ALDH8A1: variants seen among roughly 807,000 people sequenced by gnomAD.
The protein encoded by ALDH8A1 is 2-aminomuconic semialdehyde dehydrogenase.
In ALDH8A1, 39 loss-of-function variants were observed where a neutral mutation model predicts 43.3. That is an observed-to-expected ratio of 0.90 (90% CI 0.70 to 1.18). The LOEUF (loss-of-function observed/expected upper bound fraction) is 1.18, where lower values mean the gene tolerates loss of function less well. Ranked by LOEUF, ALDH8A1 falls within the 50% of genes most tolerant of loss-of-function variation. The pLI, the probability that ALDH8A1 is intolerant of heterozygous loss-of-function variation, is 0.00. For synonymous variants in ALDH8A1, 233 were observed against 243.5 expected, an observed-to-expected ratio of 0.96 and a Z score of 0.40; for missense variants, 605 against 622.6, an observed-to-expected ratio of 0.97 and a Z score of 0.30.
chr6:134,940,211 G>A (rs1773829458), intron 3 of ALDH8A1: 1 of 360,180 alleles, frequency 2.8e-6, no homozygotes, highest in Non-Finnish European at 5.5e-6. Flanking sequence ...TCCTGCACGT[G>A]TACCCTGGAA....
chr6:134,924,162 G>C (rs1776849135), intron 6 of ALDH8A1, among the ~76,000 whole-genome samples: 1 of 152,208 alleles, frequency 6.6e-6, no homozygotes, highest in Admixed American at 6.5e-5. Context: ...GGGCCGGCCA[G>C]AGAGGGACAC....
intron 4 of ALDH8A1, among the ~76,000 whole-genome samples, chr6:134,934,210 C>T (rs1773689391): frequency 6.6e-6 from 1 of 152,246 alleles, no homozygotes; most frequent in South Asian, 2.1e-4. Context: ...AAAGCGATCC[C>T]AGAGAAACCT....
intron 6 of ALDH8A1, among the ~76,000 whole-genome samples, chr6:134,919,856 ATAT>A (rs1776767220): frequency 6.6e-6 from 1 of 152,182 alleles, no homozygotes; most frequent in Non-Finnish European, 1.5e-5. Flanking sequence ...AATAGAGGTA[ATAT>A]TATTCTATTA....
At chr6:134,927,537 A>G (rs898799946) in intron 6 of ALDH8A1, among the ~76,000 whole-genome samples, 1 of 152,192 alleles carries the variant, frequency 6.6e-6, no homozygotes, top group African/African-American at 2.4e-5. Context: ...ACACACAGAG[A>G]GAGATCATTC....
chr6:134,921,794 G>A (rs918010308), intron 6 of ALDH8A1, among the ~76,000 whole-genome samples: 20 of 152,214 alleles, frequency 1.3e-4, no homozygotes, highest in African/African-American at 4.6e-4. Flanking sequence ...CAGCCCCAAA[G>A]CTTTCTGGGG....
chr6:134,922,121 T>A (rs747009606), intron 6 of ALDH8A1, among the ~76,000 whole-genome samples: 2 of 152,068 alleles, frequency 1.3e-5, no homozygotes, highest in Non-Finnish European at 2.9e-5. Flanking sequence ...CACAGGAACA[T>A]GGGGTCAGCA....
At chr6:134,948,706 G>A (rs766136421) in intron 1 of ALDH8A1, among the ~76,000 whole-genome samples, 4 of 152,154 alleles carry the variant, frequency 2.6e-5, no homozygotes, top group Non-Finnish European at 4.4e-5. Context: ...GGATCAGATA[G>A]GATATTTGGA....
chr6:134,932,942 G>C lies in ALDH8A1; in HGVS notation c.683C>G (p.Ser228Cys). The C allele has an allele frequency of 6.2e-7, 1 of 1,614,068 alleles. No homozygotes were observed. Among genetic ancestry groups the C allele is most frequent in the Non-Finnish European group, 8.5e-7 (1 of 1,180,014 alleles). Residue 228 changes from serine to cysteine, a missense_variant, in exon 5 of 7, where the codon TCC (serine) becomes TGC (cysteine). By Grantham distance (112) the Ser-to-Cys change is moderately radical. Coordinates refer to ENST00000265605, the MANE Select transcript of ALDH8A1 (RefSeq NM_022568.4). ...AGCGGTGGGCTGGCTCCCGGTGAAG[G>C]AGATCAGGGGCACCTCTGGGTGGGA... is the stretch of plus-strand genomic sequence containing the variant. Reference protein sequence around the residue: ...LVSHPEVPLISFTGSQPTAER... With the variant: ...LVSHPEVPLICFTGSQPTAER...
rs771643555 is a variant in ALDH8A1, at chr6:134,932,826, T to G, written c.799A>C (p.Asn267His). ...KNPAIIFEDA[N>H]LDECIPATVR... ...GTTGCCGGAATGCACTCATCCAGGT[T>G]GGCGTCCTCAAAGATGATGGCAGGA... The change falls in exon 5 of 7, where the codon AAC becomes CAC. Residue 267 changes from asparagine (N) to histidine (H), a missense_variant. By Grantham distance (68) the Asn-to-His change is moderately conservative (BLOSUM62 1). Coordinates refer to ENST00000265605, the MANE Select transcript of ALDH8A1 (RefSeq NM_022568.4). The G allele has an allele frequency of 3.1e-6, 5 of 1,614,244 alleles. No individual in the cohort carries two copies. In the Admixed American group the frequency reaches 8.3e-5, roughly 27 times the overall value.
Position 134,942,446 on chromosome 6 carries a change from G to A in ALDH8A1, c.405C>T (p.Gly135=). The A allele has an allele frequency of 6.2e-7, 1 of 1,614,200 alleles. No homozygotes were observed. ...GGGCCCGCACCGTGTAGTGCATGCA[G>A]CCCAGGTGGTCCATCTGCGTGCACT... ...TSECTQMDHL[G]CMHYTVRAPV... The change falls in exon 3 of 7, where the codon GGC becomes GGT. Residue 135 remains glycine, a synonymous_variant. Transcript: ENST00000265605.
intron 4 of ALDH8A1, among the ~76,000 whole-genome samples, chr6:134,935,002 C>T (rs1167711005): frequency 6.6e-6 from 1 of 152,164 alleles, no homozygotes; most frequent in Non-Finnish European, 1.5e-5. Context: ...CTCCCATATC[C>T]TACTGAATGT....
At chr6:134,922,296 T>C (rs1776816088) in intron 6 of ALDH8A1, among the ~76,000 whole-genome samples, 1 of 152,244 alleles carries the variant, frequency 6.6e-6, no homozygotes, top group Non-Finnish European at 1.5e-5. Context: ...GCTGTGGTTA[T>C]GGAAATACCA....
At chr6:134,942,854 C>A (rs960632166) in intron 2 of ALDH8A1, among the ~76,000 whole-genome samples, 2 of 152,186 alleles carry the variant, frequency 1.3e-5, no homozygotes, top group African/African-American at 2.4e-5. Context: ...ACCACTTCAC[C>A]CACACAAACT....
In ALDH8A1 at chr6:134,918,660, C is replaced by G; in HGVS notation, c.1219G>C (p.Glu407Gln). The G allele has an allele frequency of 6.2e-7, 1 of 1,614,178 alleles. No homozygotes were observed. The highest frequency in any genetic ancestry group is 1.7e-5 in the Admixed American group (1 of 60,030). ...TCVVPFDSEE[E>Q]VIERANNVKY... ...ACGTTGTTGGCTCTTTCAATCACCT[C>G]CTCTTCACTATCAAAGGGGACGACA... is the stretch of plus-strand genomic sequence containing the variant. The change falls in exon 7 of 7, where the codon GAG becomes CAG. Residue 407 changes from glutamate (E) to glutamine (Q), a missense_variant. Glu to Gln is a conservative substitution (Grantham distance 29, BLOSUM62 2). Transcript: ENST00000265605.
At position 134,938,086 on chromosome 6, in the gene ALDH8A1, G is replaced by A. The variant is rs1773778069; in HGVS notation, c.592+1180C>T. Among the ~76,000 whole-genome samples the A allele has an allele frequency of 2.0e-5, 3 of 152,238 alleles. No homozygotes were observed. In the South Asian group the frequency reaches 6.2e-4, roughly 32 times the overall value. Reference sequence around the variant, plus strand: ...CTAAGAAAGGTGTTCCGAAGCGGGAGAGAGGGACGGACTCTTACCCACCGG... The same window carrying A: ...CTAAGAAAGGTGTTCCGAAGCGGGAAAGAGGGACGGACTCTTACCCACCGG... On this transcript the variant is annotated intron_variant, in intron 4 of 6. Transcript: ENST00000265605.
At chr6:134,937,200 A>T (rs1773757180) in intron 4 of ALDH8A1, among the ~76,000 whole-genome samples, 1 of 152,232 alleles carries the variant, frequency 6.6e-6, no homozygotes, top group Admixed American at 6.5e-5. Context: ...GTTTATTTTA[A>T]AGGAAGTTTA....
chr6:134,922,692 A>G (rs939686542), intron 6 of ALDH8A1, among the ~76,000 whole-genome samples: 1 of 152,144 alleles, frequency 6.6e-6, no homozygotes, highest in Non-Finnish European at 1.5e-5. Context: ...CTGATCTAAC[A>G]GTGAATAACT....
intron 6 of ALDH8A1, 58 bp downstream of exon 6, chr6:134,928,996 T>G: frequency 6.3e-7 from 1 of 1,582,078 alleles, no homozygotes; most frequent in Non-Finnish European, 8.6e-7. Flanking sequence ...ATGCCTGTAC[T>G]GAGCTTCTCT....
At position 134,944,981 on chromosome 6, in the gene ALDH8A1, T is replaced by C. The variant is rs572787969; in HGVS notation, c.139-1015A>G. Among the ~76,000 whole-genome samples, 155 of 149,656 alleles carry C rather than the reference T, an allele frequency of 1.0e-3. 1 individual carries two copies. The highest frequency in any genetic ancestry group is 3.4e-3 in the African/African-American group (139 of 41,078). On this transcript the variant is annotated intron_variant, in intron 1 of 6. Coordinates refer to ENST00000265605, the MANE Select transcript of ALDH8A1 (RefSeq NM_022568.4). ...ATACAGTAGAAGAAGAAAATTAATC[T>C]AGATATGTGGAATCTCTAAAGCTTC...
Sources: gnomAD v4.1 joint callset for allele counts (sites outside exome capture counted in the v4.1 genomes callset) on GRCh38, gnomAD v4.1.1 for gene constraint, MANE v1.5 for transcripts, NCBI Gene and HGNC (gene_info 2026-07-23, HGNC 2026-07-21) for gene names.